The following AFAP1 variants were observed in gnomAD, a reference collection of about 807,000 sequenced individuals.
AFAP1 encodes the protein actin filament-associated protein 1.
AFAP1 carries 75 observed loss-of-function variants against 93.9 expected under a neutral mutation model. The ratio of observed to expected loss-of-function variants is 0.80; its 90% CI spans 0.66 to 0.97. The LOEUF is 0.97. Among genes scored for constraint, AFAP1 ranks in the 50% least tolerant of loss-of-function variants. The pLI is 0.00. For missense variants in AFAP1, 1,201 were observed against 1,050.8 expected, an observed-to-expected ratio of 1.14 and a Z score of -1.98; for synonymous variants, 517 against 430.7, an observed-to-expected ratio of 1.20 and a Z score of -2.48.
chr4:7,824,520 A>G (rs1721260791), intron 6 of AFAP1, among the ~76,000 whole-genome samples: 1 of 152,236 alleles, frequency 6.6e-6, no homozygotes, highest in Non-Finnish European at 1.5e-5. Context: ...ATTTGGCAGT[A>G]ATTCTTGCAC....
chr4:7,767,854 A>G (rs1714827564), intron 17 of AFAP1, among the ~76,000 whole-genome samples: 1 of 152,180 alleles, frequency 6.6e-6, no homozygotes, highest in South Asian at 2.1e-4. Flanking sequence ...TAGGAGGATC[A>G]CTTGAGCCCA....
chr4:7,793,768 G>C lies in AFAP1; in HGVS notation c.1325C>G (p.Ser442Trp), dbSNP rs767988954. Reference sequence around the variant, plus strand: ...GTGCAGAGCCTCCGGGTCTGTGGACGATCCCGTCTCTGCGAGTAAAATCCC... The same window carrying C: ...GTGCAGAGCCTCCGGGTCTGTGGACCATCCCGTCTCTGCGAGTAAAATCCC... ...WIGILLAETG[S>W]STDPEALHYD... Residue 442 changes from serine (S) to tryptophan (W), a missense_variant, in exon 11 of 18, where the codon TCG (serine) becomes TGG (tryptophan). Coordinates refer to ENST00000420658, the MANE Select transcript of AFAP1 (RefSeq NM_001134647.2). 3 of 1,572,342 alleles carry C rather than the reference G, an allele frequency of 1.9e-6. No homozygotes were observed. The East Asian group carries it at 6.8e-5, about 36-fold the overall frequency.
intron 1 of AFAP1, among the ~76,000 whole-genome samples, chr4:7,885,844 TCAC>T (rs1174016153): frequency 6.6e-6 from 1 of 152,178 alleles, no homozygotes; most frequent in Admixed American, 6.5e-5. Flanking sequence ...AGCAAGTTGA[TCAC>T]CACCTGTTCA....
chr4:7,921,180 A>ATTTTTTT (rs1355925693), intron 1 of AFAP1, among the ~76,000 whole-genome samples: 3 of 68,236 alleles, frequency 4.4e-5, no homozygotes, highest in African/African-American at 3.2e-4. Context: ...TGAGAGCAAA[A>ATTTTTTT]CTTTTTTTTT....
chr4:7,897,843 C>T (rs952515063), intron 1 of AFAP1, among the ~76,000 whole-genome samples: 10 of 152,136 alleles, frequency 6.6e-5, no homozygotes, highest in African/African-American at 9.7e-5. Context: ...GGCAACACTT[C>T]GTGGCATCTC....
At chr4:7,907,663 T>C (rs1343595715) in intron 1 of AFAP1, among the ~76,000 whole-genome samples, 2 of 152,158 alleles carry the variant, frequency 1.3e-5, no homozygotes, top group African/African-American at 2.4e-5. Context: ...GAAATCTTCA[T>C]TGGAGCAGCT....
chr4:7,802,045 A>G (rs1187736390), intron 9 of AFAP1, among the ~76,000 whole-genome samples: 1 of 44,090 alleles, frequency 2.3e-5, no homozygotes. Context: ...TAAATGCTAT[A>G]AAGACAAAAA....
At position 7,939,360 on chromosome 4, in the gene AFAP1, C is replaced by T. The variant is rs1412660802; in HGVS notation, c.-3+296G>A. ...CCCCTCTGACGCACACGGGGACCAG[C>T]CACGCCGCGGGGGCACCGGGCAGGA... On this transcript the variant is annotated intron_variant, in intron 1 of 17. Coordinates refer to ENST00000420658, the MANE Select transcript of AFAP1 (RefSeq NM_001134647.2). The surrounding 1 kb of genome is among the most constrained non-coding windows in gnomAD (Gnocchi z 5.6). 2 of 323,034 alleles carry T rather than the reference C, an allele frequency of 6.2e-6. No individual in the cohort carries two copies. The highest frequency in any genetic ancestry group is 2.3e-5 in the South Asian group (1 of 44,036). The allele number at this position is 323,034 out of a possible 1,614,324, so 20.0% of individuals were successfully genotyped here. A position where few individuals can be genotyped will look rare whatever the true frequency, so the allele number is the denominator to read the frequency against.
chr4:7,857,753 A>T (rs997404548), intron 3 of AFAP1, among the ~76,000 whole-genome samples: 7 of 152,322 alleles, frequency 4.6e-5, no homozygotes, highest in African/African-American at 1.7e-4. Flanking sequence ...GGTCAAACAA[A>T]CTATTCATGT....
intron 3 of AFAP1, among the ~76,000 whole-genome samples, chr4:7,856,356 C>T (rs990127510): frequency 6.6e-6 from 1 of 152,042 alleles, no homozygotes; most frequent in Non-Finnish European, 1.5e-5. Context: ...CATTCTCCTG[C>T]CTCAGCCTCC....
At chr4:7,813,740 C>G (rs768092856) in intron 8 of AFAP1, among the ~76,000 whole-genome samples, 12 of 152,200 alleles carry the variant, frequency 7.9e-5, no homozygotes, top group Non-Finnish European at 1.8e-4. Flanking sequence ...AAATTGCACT[C>G]AGATAGGACA....
In AFAP1 at chr4:7,819,184, C is replaced by T. The variant is rs1436873350; in HGVS notation, c.727-13G>A. Reference sequence around the variant, plus strand: ...CTTCTTTGATCACCTATAAAAAGCACAGACACTTTGTGAGTATGCCCAAAG... The same window carrying T: ...CTTCTTTGATCACCTATAAAAAGCATAGACACTTTGTGAGTATGCCCAAAG... On this transcript the variant is annotated splice_polypyrimidine_tract_variant and intron_variant, in intron 6 of 17. Transcript: ENST00000420658. 4 of 1,602,590 alleles carry T rather than the reference C, an allele frequency of 2.5e-6. No individual in the cohort carries two copies. The highest frequency in any genetic ancestry group is 3.4e-6 in the Non-Finnish European group (4 of 1,174,928).
chr4:7,865,948 G>A (rs529381103), intron 3 of AFAP1, among the ~76,000 whole-genome samples: 1 of 152,352 alleles, frequency 6.6e-6, no homozygotes, highest in African/African-American at 2.4e-5. Flanking sequence ...GCAGGCTGGA[G>A]TGCAGTGGCT....
intron 10 of AFAP1, among the ~76,000 whole-genome samples, chr4:7,794,051 A>G (rs948487720): frequency 7.9e-5 from 12 of 152,204 alleles, no homozygotes; most frequent in African/African-American, 2.7e-4. Flanking sequence ...TGAAACTCTG[A>G]GGTCCTAAAC....
chr4:7,900,018 A>C (rs1719027964), intron 1 of AFAP1, among the ~76,000 whole-genome samples: 1 of 152,182 alleles, frequency 6.6e-6, no homozygotes, highest in Non-Finnish European at 1.5e-5. Flanking sequence ...GTGCTTCCCT[A>C]AGACTAAGCC....
At chr4:7,933,808 G>A (rs1721234333) in intron 1 of AFAP1, among the ~76,000 whole-genome samples, 1 of 152,134 alleles carries the variant, frequency 6.6e-6, no homozygotes, top group African/African-American at 2.4e-5. Flanking sequence ...AAAAGTGCTT[G>A]GAAACAATTC....
chr4:7,798,878 C>G, intron 10 of AFAP1: 1 of 990,574 alleles, frequency 1.0e-6, no homozygotes. Context: ...CCAGCATCTC[C>G]CTCTTCATTC....
At chr4:7,792,722 G>T (rs984714216) in intron 11 of AFAP1, among the ~76,000 whole-genome samples, 1 of 152,170 alleles carries the variant, frequency 6.6e-6, no homozygotes, top group African/African-American at 2.4e-5. Context: ...ACGCTACGCA[G>T]AACAGGAAAA....
rs1171119911 is a variant in AFAP1, at chr4:7,868,739, C to T, written c.128-20G>A. ...CAAAACCTGTAAGAATTAACCAGAA[C>T]CACAGAACTGGATGAGGATGGGGAT... On this transcript the variant is annotated intron_variant, in intron 2 of 17. Transcript: ENST00000420658. 6.2e-7 allele frequency: 1 copy of T among 1,609,078 alleles called. No individual in the cohort carries two copies. The highest frequency in any genetic ancestry group is 1.7e-5 in the Admixed American group (1 of 59,954).
Sources: gnomAD v4.1 joint callset for allele counts (sites outside exome capture counted in the v4.1 genomes callset) on GRCh38, gnomAD v4.1.1 for gene constraint, Gnocchi (gnomAD v3.1) non-coding constraint, MANE v1.5 for transcripts, NCBI Gene and HGNC (gene_info 2026-07-23, HGNC 2026-07-21) for gene names.